NUCB2: variants seen among roughly 807,000 people sequenced by gnomAD.
The protein encoded by NUCB2 is nucleobindin-2.
In NUCB2, 48 loss-of-function variants were observed where a neutral mutation model predicts 57.9. The ratio of observed to expected loss-of-function variants is 0.83; its 90% CI spans 0.66 to 1.05. NUCB2 has a LOEUF of 1.05. NUCB2 is among the 50% of genes least tolerant of loss of function. The pLI, the probability that NUCB2 is intolerant of heterozygous loss-of-function variation, is 0.00. For synonymous variants in NUCB2, 139 were observed against 152.1 expected (o/e 0.91, Z 0.64); for missense variants, 442 against 476.2 (o/e 0.93, Z 0.67).
chr11:17,349,856 T>C (rs1378404138), exon 3 of NUCB2: 3 of 152,194 alleles, frequency 2.0e-5, no homozygotes, highest in Non-Finnish European at 4.4e-5. Flanking sequence ...GTATGTGATA[T>C]TCCAACAGCA....
At chr11:17,336,539 G>C (rs2139558375), downstream of NUCB2, among the ~76,000 whole-genome samples, 1 of 151,640 alleles carries the variant, frequency 6.6e-6, no homozygotes, top group East Asian at 1.9e-4. Flanking sequence ...CGGATCACGA[G>C]GTCAGGAGAT....
intron 8 of NUCB2, 52 bp from the exon 9 acceptor site, chr11:17,311,815 TAATTA>T: frequency 8.7e-7 from 1 of 1,151,364 alleles, no homozygotes; most frequent in Non-Finnish European, 1.3e-6. Context: ...CATTGTATTT[TAATTA>T]TTTTCTAAGT....
intron 2 of NUCB2, among the ~76,000 whole-genome samples, chr11:17,340,583 C>T (rs1952177732): frequency 6.6e-6 from 1 of 152,016 alleles, no homozygotes; most frequent in South Asian, 2.1e-4. Context: ...GCCAGTTTTC[C>T]CAGCACCATT....
intron 2 of NUCB2, among the ~76,000 whole-genome samples, chr11:17,288,955 A>AT (rs1944430718): frequency 3.4e-5 from 2 of 59,278 alleles, no homozygotes; most frequent in Non-Finnish European, 5.9e-5. Context: ...ACACACATAT[A>AT]TATATATATT....
At chr11:17,292,029 T>A (rs12270204) in intron 2 of NUCB2, among the ~76,000 whole-genome samples, 2,576 of 152,266 alleles carry the variant, frequency 0.017, 67 homozygotes, top group African/African-American at 0.054. Context: ...TCTTTTTTTT[T>A]AATTTTATTT....
At chr11:17,298,214 T>C (rs978755967) in intron 4 of NUCB2, among the ~76,000 whole-genome samples, 1 of 151,142 alleles carries the variant, frequency 6.6e-6, no homozygotes, top group African/African-American at 2.4e-5. Context: ...ACCCTGTCAC[T>C]ACAAAAAATT....
chr11:17,296,948 A>G (rs1333951828), intron 4 of NUCB2, among the ~76,000 whole-genome samples: 1 of 152,200 alleles, frequency 6.6e-6, no homozygotes, highest in African/African-American at 2.4e-5. Context: ...TATTATATCA[A>G]TCAGAGAGGT....
At chr11:17,312,665 A>C (rs1168615395) in intron 10 of NUCB2, among the ~76,000 whole-genome samples, 1 of 151,266 alleles carries the variant, frequency 6.6e-6, no homozygotes, top group Non-Finnish European at 1.5e-5. Context: ...GGCCTCCCAA[A>C]GTGCTGGGAT....
At chr11:17,327,138 G>A (rs10766387) in intron 11 of NUCB2, among the ~76,000 whole-genome samples, 36,150 of 152,024 alleles carry the variant, frequency 0.24, 4,998 homozygotes, top group East Asian at 0.51. Context: ...TTGGCTCACT[G>A]CAACTTCTGC....
At position 17,332,168 on chromosome 11, in the gene NUCB2, T is replaced by G. The variant is rs1951465871; in HGVS notation, c.*749T>G. On this transcript the variant is annotated 3_prime_UTR_variant, in exon 14 of 14. Coordinates refer to ENST00000529010, the MANE Select transcript of NUCB2 (RefSeq NM_005013.4). ...TGCTATCCTCAGTGCATGATTTTTA[T>G]CCTCAGATTACCTCACTCTCACTGT... 1 of 152,164 alleles carries G rather than the reference T, an allele frequency of 6.6e-6. No individual in the cohort carries two copies. The highest frequency in any genetic ancestry group is 1.5e-5 in the Non-Finnish European group (1 of 68,036). 9.4% of individuals were successfully genotyped at this position (152,164 alleles called of 1,614,324 possible).
chr11:17,320,202 T>C (rs1949836938), intron 11 of NUCB2, among the ~76,000 whole-genome samples: 1 of 152,216 alleles, frequency 6.6e-6, no homozygotes, highest in South Asian at 2.1e-4. Context: ...TGAACATATG[T>C]GCCACAACTT....
At chr11:17,319,714 A>T (rs1021768286) in intron 11 of NUCB2, among the ~76,000 whole-genome samples, 3 of 151,988 alleles carry the variant, frequency 2.0e-5, no homozygotes, top group African/African-American at 7.3e-5. Flanking sequence ...ACAACTCTTG[A>T]TTTCCTTTTT....
intron 4 of NUCB2, among the ~76,000 whole-genome samples, chr11:17,300,242 G>T (rs1389020264): frequency 1.3e-5 from 2 of 152,074 alleles, no homozygotes; most frequent in African/African-American, 4.8e-5. Context: ...AAACTCCAGC[G>T]CTCAAACGAT....
At chr11:17,298,599 A>G (rs1344597187) in intron 4 of NUCB2, among the ~76,000 whole-genome samples, 1 of 152,078 alleles carries the variant, frequency 6.6e-6, no homozygotes, top group Non-Finnish European at 1.5e-5. Flanking sequence ...GAGTAAAACT[A>G]GACAATAAAA....
chr11:17,295,186 C>T (rs1033295020), intron 2 of NUCB2, 138 bp from the exon 3 acceptor site: 2 of 648,776 alleles, frequency 3.1e-6, no homozygotes, highest in African/African-American at 1.9e-5. Context: ...TTAATCTATT[C>T]TTTCCTTTCC....
At chr11:17,308,988 A>C (rs1461648802) in intron 5 of NUCB2, among the ~76,000 whole-genome samples, 1 of 152,112 alleles carries the variant, frequency 6.6e-6, no homozygotes, top group East Asian at 1.9e-4. Context: ...TATTGTGCTG[A>C]TAGTCAACTA....
At chr11:17,281,448 T>C (rs1942547046) in intron 1 of NUCB2, among the ~76,000 whole-genome samples, 1 of 152,200 alleles carries the variant, frequency 6.6e-6, no homozygotes, top group Non-Finnish European at 1.5e-5. Flanking sequence ...TCTACCACTT[T>C]GGGTGTTTAC....
exon 2 of NUCB2, chr11:17,337,416 T>G (rs183086406): frequency 6.6e-6 from 1 of 152,224 alleles, no homozygotes; most frequent in Non-Finnish European, 1.5e-5. Context: ...TCGTTTGTCA[T>G]GCAGGATTTT....
intron 2 of NUCB2, chr11:17,283,413 C>G (rs1943083943): frequency 6.6e-6 from 1 of 152,202 alleles, no homozygotes; most frequent in Non-Finnish European, 1.5e-5. Flanking sequence ...TGGATATTGG[C>G]AAGCAAATAG....
Sources: allele counts gnomAD v4.1 joint callset (sites outside exome capture counted in the v4.1 genomes callset), GRCh38; gene constraint gnomAD v4.1.1; transcripts MANE v1.5; gene names NCBI Gene and HGNC (gene_info 2026-07-23, HGNC 2026-07-21).